The following SCP2 variants were observed in gnomAD, a reference collection of about 807,000 sequenced individuals.
SCP2 encodes sterol carrier protein 2.
SCP2 carries 48 observed loss-of-function variants against 71.4 expected under a neutral mutation model. That is an observed-to-expected ratio of 0.67 (90% CI 0.53 to 0.86). SCP2 has a LOEUF of 0.86. Among genes scored for constraint, SCP2 ranks in the 40% least tolerant of loss-of-function variants. The pLI is 0.00. For missense variants in SCP2, 560 were observed against 655.6 expected (o/e 0.85, Z 1.59); for synonymous variants, 220 against 218.1 (o/e 1.01, Z -0.08).
At chr1:53,023,598 A>G (rs918462935) in intron 12 of SCP2, among the ~76,000 whole-genome samples, 10 of 152,142 alleles carry the variant, frequency 6.6e-5, no homozygotes, top group Non-Finnish European at 1.5e-4. Flanking sequence ...TAAGCCGTTG[A>G]CATTTAGTAG....
At position 52,980,500 on chromosome 1, in the gene SCP2, C is replaced by A; in HGVS notation, c.930C>A (p.Thr310=). Residue 310 remains threonine (T), a synonymous_variant, in exon 10 of 16, where the codon ACC becomes ACA. Transcript: ENST00000371514. ...TAGAACTTCACGATTGCTTTTCTAC[C>A]AACGAACTCCTTACTTATGAAGCAC... ...DVIELHDCFS[T]NELLTYEALG... is the part of the protein sequence containing the mutation. 6.2e-7 allele frequency: 1 copy of A among 1,613,930 alleles called. No homozygotes were observed. Among genetic ancestry groups the A allele is most frequent in the Non-Finnish European group, 8.5e-7 (1 of 1,179,824 alleles).
At chr1:52,946,663 C>A (rs1654825384) in intron 2 of SCP2, among the ~76,000 whole-genome samples, 1 of 151,740 alleles carries the variant, frequency 6.6e-6, no homozygotes, top group East Asian at 1.9e-4. Flanking sequence ...TTTTGACTAA[C>A]CCAATTCTGT....
chr1:52,986,538 A>G (rs1658996777), intron 10 of SCP2, among the ~76,000 whole-genome samples: 1 of 152,166 alleles, frequency 6.6e-6, no homozygotes, highest in Non-Finnish European at 1.5e-5. Context: ...AGTGTATTTC[A>G]TTTTACCAAC....
chr1:52,970,443 C>T (rs1434346570), intron 6 of SCP2, among the ~76,000 whole-genome samples: 1 of 152,100 alleles, frequency 6.6e-6, no homozygotes. Context: ...TCAATTGCAC[C>T]ATACAAATGT....
At chr1:52,976,558 C>T in intron 7 of SCP2, 125 bp from the exon 8 acceptor site, 1 of 682,306 alleles carries the variant, frequency 1.5e-6, no homozygotes, top group South Asian at 1.7e-5. Flanking sequence ...ACATTTATGG[C>T]TATTCATAAA....
chr1:52,966,266 A>G (rs1656944307), intron 6 of SCP2, among the ~76,000 whole-genome samples: 1 of 152,048 alleles, frequency 6.6e-6, no homozygotes, highest in South Asian at 2.1e-4. Context: ...ATATGTTGAA[A>G]AAGTATCCGT....
intron 6 of SCP2, among the ~76,000 whole-genome samples, chr1:52,973,148 C>A (rs866191882): frequency 6.6e-4 from 101 of 152,288 alleles, no homozygotes; most frequent in African/African-American, 2.2e-3. Flanking sequence ...GTGCTAGAAA[C>A]TTTTCTCTAG....
At chr1:52,986,056 TG>T (rs57505336) in intron 10 of SCP2, among the ~76,000 whole-genome samples, 46,901 of 151,880 alleles carry the variant, frequency 0.31, 11,921 homozygotes, top group African/African-American at 0.69. Context: ...GATTTTCGTT[TG>T]GTTCACTATT....
At chr1:53,007,636 A>AG (rs1285925813) in intron 11 of SCP2, among the ~76,000 whole-genome samples, 13 of 152,246 alleles carry the variant, frequency 8.5e-5, no homozygotes, top group Non-Finnish European at 1.6e-4. Context: ...CAGTGTGTAG[A>AG]GGGAAATTTA....
At chr1:53,027,929 C>G (rs1662250357) in intron 12 of SCP2, 40 bp from the exon 13 acceptor site, 1 of 1,092,540 alleles carries the variant, frequency 9.2e-7, no homozygotes, top group African/African-American at 1.5e-5. Flanking sequence ...AACCTAGTAC[C>G]TATGTGACTC....
At chr1:52,994,619 G>T (rs1348216602) in intron 11 of SCP2, 4 of 428,708 alleles carry the variant, frequency 9.3e-6, no homozygotes, top group East Asian at 1.4e-4. Flanking sequence ...AGCCTCTGGG[G>T]TGCATTCCAT....
intron 13 of SCP2, among the ~76,000 whole-genome samples, chr1:53,033,460 C>G (rs1163270652): frequency 1.3e-5 from 2 of 152,064 alleles, no homozygotes; most frequent in Admixed American, 1.3e-4. Flanking sequence ...AAAAAATTAG[C>G]TGTGTGTGGT....
At chr1:53,030,088 C>T (rs1466756172) in intron 13 of SCP2, among the ~76,000 whole-genome samples, 2 of 152,104 alleles carry the variant, frequency 1.3e-5, no homozygotes, top group Non-Finnish European at 2.9e-5. Flanking sequence ...GGGGTTTCAC[C>T]ATATTTGCCA....
At chr1:52,998,855 C>T (rs540197273) in intron 11 of SCP2, among the ~76,000 whole-genome samples, 7 of 152,214 alleles carry the variant, frequency 4.6e-5, no homozygotes, top group Non-Finnish European at 1.0e-4. Context: ...CCAGTCTTGA[C>T]AGGTCATCTG....
intron 6 of SCP2, among the ~76,000 whole-genome samples, chr1:52,967,370 C>A (rs529448169): frequency 1.3e-5 from 2 of 151,746 alleles, no homozygotes; most frequent in East Asian, 3.9e-4. Context: ...CCAATGGGGC[C>A]AATTTTGGTA....
chr1:53,004,798 C>T (rs1030974742), intron 11 of SCP2, among the ~76,000 whole-genome samples: 11 of 152,090 alleles, frequency 7.2e-5, no homozygotes, highest in Admixed American at 2.0e-4. Flanking sequence ...GTGCAGTCCA[C>T]GGAGTATGAG....
chr1:53,021,645 CTT>C (rs753678066), intron 12 of SCP2, among the ~76,000 whole-genome samples: 25 of 95,628 alleles, frequency 2.6e-4, no homozygotes, highest in Admixed American at 2.7e-4. Context: ...CTTTTTCTTT[CTT>C]TTTTTTTTTT....
intron 11 of SCP2, among the ~76,000 whole-genome samples, chr1:53,000,252 C>CA (rs34392119): frequency 0.17 from 15,467 of 91,910 alleles, 1,770 homozygotes; most frequent in East Asian, 0.46. Context: ...TAGTTTCTAC[C>CA]AAAAAAAAAA....
At chr1:53,009,074 G>GTGA (rs1169133040) in intron 11 of SCP2, among the ~76,000 whole-genome samples, 1 of 152,200 alleles carries the variant, frequency 6.6e-6, no homozygotes, top group Non-Finnish European at 1.5e-5. Context: ...TACAAGGGAT[G>GTGA]TGAAGGACCC....
Sources: allele counts gnomAD v4.1 joint callset (sites outside exome capture counted in the v4.1 genomes callset), GRCh38; gene constraint gnomAD v4.1.1; transcripts MANE v1.5; gene names NCBI Gene and HGNC (gene_info 2026-07-23, HGNC 2026-07-21).